The following CELSR2 variants were observed in gnomAD, a reference collection of about 807,000 sequenced individuals.
CELSR2 encodes EGF-like protein 2.
A neutral mutation model predicts 251.6 loss-of-function variants in CELSR2; 81 were observed. The observed-to-expected ratio is 0.32, with a 90% CI of 0.27 to 0.39. The LOEUF (loss-of-function observed/expected upper bound fraction) is 0.39, where lower values mean the gene tolerates loss of function less well. Ranked by LOEUF, CELSR2 falls within the 10% of genes least tolerant of loss-of-function variation. The pLI, the probability that CELSR2 is intolerant of heterozygous loss-of-function variation, is 1.00. For synonymous variants in CELSR2, 1,721 were observed against 1,670.5 expected (o/e 1.03, Z -0.74); for missense variants, 3,365 against 3,947.7 (o/e 0.85, Z 3.96).
Position 109,250,104 on chromosome 1 carries a change from C to T in CELSR2, c.25C>T (p.Pro9Ser). 3 of 1,549,594 alleles carry T rather than the reference C, an allele frequency of 1.9e-6. No individual in the cohort carries two copies. The highest frequency in any genetic ancestry group is 2.0e-4 in the Middle Eastern group (1 of 4,992). ...GATGCGGAGCCCGGCCACCGGCGTC[C>T]CCCTCCCAACGCCGCCGCCGCCGCT... MRSPATGV[P>S]LPTPPPPLLL... Residue 9 changes from proline (P) to serine (S), a missense_variant, in exon 1 of 34, where the codon CCC (proline) becomes TCC (serine). Transcript: ENST00000271332. This position sits in a 1 kb window ranked among gnomAD's most constrained non-coding sequence, Gnocchi z 4.4.
rs761707886 is a variant in CELSR2 at position 109,262,308 on chromosome 1, C to T, written c.4408C>T (p.Leu1470Phe). ...YNKPLLGQTGLPQGPSEQKVA... is the reference protein window; with the variant it reads ...YNKPLLGQTGFPQGPSEQKVA... ...ACAGCCACTGTTGGGTCAGACAGGGCTCCCACAGGGCCCATCAGAGCAGAA... is the reference window on the plus strand; with the variant it reads ...ACAGCCACTGTTGGGTCAGACAGGGTTCCCACAGGGCCCATCAGAGCAGAA... The change falls in exon 6 of 34, where the codon CTC becomes TTC. Residue 1470 changes from leucine to phenylalanine, a missense_variant. By Grantham distance (22) the Leu-to-Phe change is conservative. Around this residue, in one of 5 missense-constraint regions of CELSR2, gnomAD observed 2,093 missense variants for 2,382.8 expected, o/e 0.88. Coordinates refer to ENST00000271332, the MANE Select transcript of CELSR2 (RefSeq NM_001408.3). 2.9e-5 allele frequency: 46 copies of T among 1,613,994 alleles called. No individual in the cohort carries two copies. Among genetic ancestry groups the T allele is most frequent in the African/African-American group, 6.7e-5 (5 of 74,940 alleles).
intron 5 of CELSR2, 23 bp from the exon 6 acceptor site, chr1:109,262,264 T>G: frequency 6.2e-7 from 1 of 1,611,706 alleles, no homozygotes; most frequent in Non-Finnish European, 8.5e-7. Flanking sequence ...GTGTCCCCCT[T>G]CTCTGCTCTT....
chr1:109,267,902 C>G lies in CELSR2; in HGVS notation c.6160C>G (p.Gln2054Glu), dbSNP rs746353804. The change falls in exon 17 of 34, where the codon CAG (glutamine) becomes GAG (glutamate). Residue 2054 changes from glutamine (Q) to glutamate (E), a missense_variant. Physicochemically the swap from Gln to Glu is conservative, Grantham distance 29 (BLOSUM62 2). Around this residue, in one of 5 missense-constraint regions of CELSR2, gnomAD observed 2,093 missense variants for 2,382.8 expected, o/e 0.88. Transcript: ENST00000271332. ...ESGLDSGRSQQLALLLRNATQ... is the reference protein window; with the variant it reads ...ESGLDSGRSQELALLLRNATQ... ...AGGCCTAGACTCAGGGCGCTCCCAG[C>G]AGCTAGCCCTGCTCCTGCGCAACGC... is the stretch of plus-strand genomic sequence containing the variant. The G allele has an allele frequency of 7.5e-6, 12 of 1,610,356 alleles. No homozygotes were observed. Among genetic ancestry groups the G allele is most frequent in the Non-Finnish European group, 1.0e-5 (12 of 1,179,342 alleles).
At chr1:109,273,742 G>C (rs1656445351) in intron 33 of CELSR2, 72 bp downstream of exon 33, 2 of 1,238,622 alleles carry the variant, frequency 1.6e-6, no homozygotes, top group Non-Finnish European at 1.1e-6. Flanking sequence ...AGCTGCCTCC[G>C]GGCCTCCCCA....
At chr1:109,270,302 C>T (rs1248409839) in intron 23 of CELSR2, 124 bp from the exon 24 acceptor site, 14 of 1,323,220 alleles carry the variant, frequency 1.1e-5, no homozygotes, top group African/African-American at 1.0e-4. Flanking sequence ...CAGCACCTGC[C>T]TCTGGCCCAG....
rs1298070211 is a variant in CELSR2, at chr1:109,252,290, G to A, written c.2211G>A (p.Thr737=). ...CCACGGTGGTGCTGATCAGCGCCACGGATGAGGACACAGGTGAGAATGCCC... is the reference window on the plus strand; with the variant it reads ...CCACGGTGGTGCTGATCAGCGCCACAGATGAGGACACAGGTGAGAATGCCC... ...AGTTVVLISA[T]DEDTGENARI... The change falls in exon 1 of 34, where the codon ACG becomes ACA. Residue 737 remains threonine, a synonymous_variant. Coordinates refer to ENST00000271332, the MANE Select transcript of CELSR2 (RefSeq NM_001408.3). The surrounding 1 kb of genome is among the most constrained non-coding windows in gnomAD (Gnocchi z 4.8). The A allele has an allele frequency of 4.3e-6, 7 of 1,613,110 alleles. No individual in the cohort carries two copies. Among genetic ancestry groups the A allele is most frequent in the African/African-American group, 2.7e-5 (2 of 74,914 alleles).
rs1283586457 is a variant in CELSR2, at chr1:109,250,023, G to C, written c.-57G>C. The C allele has an allele frequency of 2.4e-6, 3 of 1,274,478 alleles. No homozygotes were observed. The highest frequency in any genetic ancestry group is 2.9e-6 in the Non-Finnish European group (3 of 1,017,014). The allele number at this position is 1,274,478 out of a possible 1,614,324, so 78.9% of individuals were successfully genotyped here. On this transcript the variant is annotated 5_prime_UTR_variant, in exon 1 of 34. Coordinates refer to ENST00000271332, the MANE Select transcript of CELSR2 (RefSeq NM_001408.3). The surrounding 1 kb of genome is among the most constrained non-coding windows in gnomAD (Gnocchi z 4.4). ...ATGAGGCGCGGCGGGGCCGGCAGGA[G>C]CCGGAGGAGGAGCCGCCGCCGCCGT... is the stretch of plus-strand genomic sequence containing the variant.
At chr1:109,268,123 A>G in intron 17 of CELSR2, 63 bp downstream of exon 17, 1 of 1,539,698 alleles carries the variant, frequency 6.5e-7, no homozygotes, top group African/African-American at 1.3e-5. Flanking sequence ...GAGCCTGCTC[A>G]TGGCAACCTG....
rs760115202 is a variant in CELSR2, at chr1:109,263,726, C to T, written c.4950C>T (p.Asp1650=). The T allele has an allele frequency of 7.4e-6, 12 of 1,613,736 alleles. No homozygotes were observed. The highest frequency in any genetic ancestry group is 2.7e-5 in the African/African-American group (2 of 74,942). Residue 1650 remains aspartate, a synonymous_variant, in exon 9 of 34, where the codon GAC becomes GAT. Coordinates refer to ENST00000271332, the MANE Select transcript of CELSR2 (RefSeq NM_001408.3). ...TCATGTTCCGCACGCGCCAGGCCGA[C>T]GGTGTCCTGCTGCAGGCCATCACCA... is the stretch of plus-strand genomic sequence containing the variant. ...LSLMFRTRQA[D]GVLLQAITRG... is the part of the protein sequence containing the mutation.
At chr1:109,268,478 CCTGGTGGGGAGCAGGGA>C in intron 17 of CELSR2, 86 bp from the exon 18 acceptor site, 2 of 1,404,844 alleles carry the variant, frequency 1.4e-6, no homozygotes, top group Non-Finnish European at 1.9e-6. Context: ...GAGGGAGGGG[CCTGGTGGGGAGCAGGGA>C]CTGGCCCGGG....
chr1:109,269,632 A>T lies in CELSR2; in HGVS notation c.6980+41A>T. 1 of 1,613,152 alleles carries T rather than the reference A, an allele frequency of 6.2e-7. No individual in the cohort carries two copies. Among genetic ancestry groups the T allele is most frequent in the Non-Finnish European group, 8.5e-7 (1 of 1,179,276 alleles). On this transcript the variant is annotated intron_variant, in intron 21 of 33. Coordinates refer to ENST00000271332, the MANE Select transcript of CELSR2 (RefSeq NM_001408.3). The surrounding 1 kb of genome is among the most constrained non-coding windows in gnomAD (Gnocchi z 6.4). ...CCTCGCCCCCTCAGGCTTCGGGCTG[A>T]AAGTCCAGGCCCCTGCATGCCTCAC...
intron 6 of CELSR2, 45 bp downstream of exon 6, chr1:109,262,489 G>A (rs774935132): frequency 2.5e-6 from 4 of 1,600,486 alleles, no homozygotes; most frequent in Non-Finnish European, 3.4e-6. Flanking sequence ...TGAGGGCAGG[G>A]CCAGGCAGGG....
At chr1:109,259,650 C>G (rs1407762676) in intron 2 of CELSR2, among the ~76,000 whole-genome samples, 1 of 152,140 alleles carries the variant, frequency 6.6e-6, no homozygotes, top group African/African-American at 2.4e-5. Flanking sequence ...GCAGCAAGTA[C>G]TTTTCTCCCC....
At chr1:109,262,197 G>A in intron 5 of CELSR2, 90 bp from the exon 6 acceptor site, 1 of 1,535,722 alleles carries the variant, frequency 6.5e-7, no homozygotes, top group Non-Finnish European at 8.8e-7. Context: ...GGGCATGTGG[G>A]TGCACACAGA....
rs779521740 is a variant in CELSR2, at chr1:109,264,318, C to G, written c.5242C>G (p.Pro1748Ala). ...HLSNITVGGI[P>A]GPAGGVARGF... is the part of the protein sequence containing the mutation. ...GAGCAACATAACAGTGGGCGGAATA[C>G]CTGGGCCAGCCGGCGGTGTGGCCCG... The change falls in exon 10 of 34, where the codon CCT becomes GCT. Residue 1748 changes from proline (P) to alanine (A), a missense_variant. Transcript: ENST00000271332. 8 of 1,612,692 alleles carry G rather than the reference C, an allele frequency of 5.0e-6. No homozygotes were observed. The highest frequency in any genetic ancestry group is 6.8e-6 in the Non-Finnish European group (8 of 1,179,104).
In CELSR2 at chr1:109,274,896, A is replaced by G. The variant is rs1656486102; in HGVS notation, c.*847A>G. ...CCCCGGGCAGGCCAGTCATGTGTTA[A>G]GTTGCGCTTCTTTGCTGTGATGTGG... On this transcript the variant is annotated 3_prime_UTR_variant, in exon 34 of 34. Transcript: ENST00000271332. 6.5e-6 allele frequency: 1 copy of G among 152,738 alleles called. No individual in the cohort carries two copies. The highest frequency in any genetic ancestry group is 2.4e-5 in the African/African-American group (1 of 41,446). 9.5% of individuals were successfully genotyped at this position (152,738 alleles called of 1,614,324 possible).
chr1:109,251,861 C>T lies in CELSR2; in HGVS notation c.1782C>T (p.Ala594=). ...DHGTPALTAS[A]SVSVTVLDVN... ...GCACTCCAGCACTCACTGCCTCGGC[C>T]AGTGTCAGCGTGACTGTCCTGGATG... The change falls in exon 1 of 34, where the codon GCC becomes GCT. Residue 594 remains alanine (A), a synonymous_variant. Transcript: ENST00000271332. The surrounding 1 kb of genome is among the most constrained non-coding windows in gnomAD (Gnocchi z 4.9). The T allele has an allele frequency of 6.2e-7, 1 of 1,614,132 alleles. No individual in the cohort carries two copies. The highest frequency in any genetic ancestry group is 1.7e-5 in the Admixed American group (1 of 60,016).
Position 109,252,125 on chromosome 1 carries a change from G to A in CELSR2, c.2046G>A (p.Val682=). 1 of 1,614,126 alleles carries A rather than the reference G, an allele frequency of 6.2e-7. No individual in the cohort carries two copies. The highest frequency in any genetic ancestry group is 8.5e-7 in the Non-Finnish European group (1 of 1,180,038). ...PLDYKLERQY[V]LAVTASDGTR... ...ACTACAAACTTGAGCGGCAGTATGT[G>A]TTGGCTGTTACCGCCTCCGATGGCA... Residue 682 remains valine (V), a synonymous_variant, in exon 1 of 34, where the codon GTG becomes GTA. Transcript: ENST00000271332. The surrounding 1 kb of genome is among the most constrained non-coding windows in gnomAD (Gnocchi z 4.8).
At chr1:109,260,935 T>C (rs1253383289) in intron 2 of CELSR2, 107 bp from the exon 3 acceptor site, 35 of 793,350 alleles carry the variant, frequency 4.4e-5, no homozygotes, top group Non-Finnish European at 5.7e-5. Context: ...TGGGGAGTAT[T>C]ACGAGGGTCA....
Sources: allele counts gnomAD v4.1 joint callset (sites outside exome capture counted in the v4.1 genomes callset), GRCh38; gene constraint gnomAD v4.1.1; regional missense constraint gnomAD v4.1.1; non-coding constraint Gnocchi (gnomAD v3.1); transcripts MANE v1.5; gene names NCBI Gene and HGNC (gene_info 2026-07-23, HGNC 2026-07-21).